The following ALK variants were observed in gnomAD, a reference collection of about 807,000 sequenced individuals.
The protein encoded by ALK is ALK tyrosine kinase receptor.
ALK carries 74 observed loss-of-function variants against 163.1 expected under a neutral mutation model. The ratio of observed to expected loss-of-function variants is 0.45; its 90% CI spans 0.38 to 0.55. ALK has a LOEUF of 0.55. ALK is among the 20% of genes least tolerant of loss of function. ALK has a pLI of 0.00. For missense variants in ALK, 2,063 were observed against 2,105.3 expected (o/e 0.98, Z 0.39); for synonymous variants, 960 against 843.2 (o/e 1.14, Z -2.40).
intron 4 of ALK, among the ~76,000 whole-genome samples, chr2:29,451,554 T>G (rs1670820963): frequency 6.6e-6 from 1 of 152,134 alleles, no homozygotes; most frequent in Admixed American, 6.6e-5. Flanking sequence ...TCAGCTCATA[T>G]CAAACTTCCA....
intron 3 of ALK, among the ~76,000 whole-genome samples, chr2:29,604,341 A>G (rs905040369): frequency 6.6e-6 from 1 of 152,182 alleles, no homozygotes; most frequent in Non-Finnish European, 1.5e-5. Flanking sequence ...TTACAATGGC[A>G]GAGTCGAGTA....
chr2:29,745,843 C>A (rs1187036716), intron 1 of ALK, among the ~76,000 whole-genome samples: 2 of 152,134 alleles, frequency 1.3e-5, no homozygotes, highest in African/African-American at 4.8e-5. Context: ...GTTGGATGGA[C>A]AAATGACTGA....
rs548398462 is a variant in ALK, at chr2:29,260,110, GT to G, written c.2042-8844del. ...TTCTATTTCTTATAAGGCATAAACT[GT>G]TGTGTTTGTTGGCTTTTTGTTCCTT... On this transcript the variant is annotated intron_variant, in intron 11 of 28. Coordinates refer to ENST00000389048, the MANE Select transcript of ALK (RefSeq NM_004304.5). 8.5e-5 allele frequency among the ~76,000 whole-genome samples: 13 copies of G among 152,252 alleles called. No homozygotes were observed. In the South Asian group the frequency reaches 2.7e-3, roughly 32 times the overall value.
rs147526702 is a variant in ALK at position 29,397,043 on chromosome 2, G to A, written c.1155-13184C>T. On this transcript the variant is annotated intron_variant, in intron 4 of 28. Coordinates refer to ENST00000389048, the MANE Select transcript of ALK (RefSeq NM_004304.5). ...GTGCCACTATTGGCTGGCTTCCTTC[G>A]GTCCTAGTAGGGTGGGCAGGAAAGG... Among the ~76,000 whole-genome samples, 762 of 151,950 alleles carry A rather than the reference G, an allele frequency of 5.0e-3. 5 individuals carry two copies. Among genetic ancestry groups the A allele is most frequent in the Non-Finnish European group, 7.6e-3 (514 of 67,986 alleles).
intron 4 of ALK, among the ~76,000 whole-genome samples, chr2:29,470,542 C>T (rs565865918): frequency 6.6e-6 from 1 of 152,264 alleles, no homozygotes; most frequent in East Asian, 1.9e-4. Flanking sequence ...CTGACTTCAA[C>T]AGAGGCAAGG....
At chr2:29,880,570 C>A (rs1666831062) in intron 1 of ALK, among the ~76,000 whole-genome samples, 1 of 152,198 alleles carries the variant, frequency 6.6e-6, no homozygotes, top group African/African-American at 2.4e-5. Context: ...CCCCAGGGAT[C>A]TATGGCTAGG....
chr2:29,651,111 T>C (rs2148253657), intron 3 of ALK, among the ~76,000 whole-genome samples: 1 of 152,146 alleles, frequency 6.6e-6, no homozygotes, highest in South Asian at 2.1e-4. Flanking sequence ...ATGACAATGA[T>C]GGAATTACCC....
chr2:29,901,389 C>A (rs1667412339), intron 1 of ALK, among the ~76,000 whole-genome samples: 1 of 152,110 alleles, frequency 6.6e-6, no homozygotes, highest in Non-Finnish European at 1.5e-5. Flanking sequence ...CAGCAAATTG[C>A]TTGCAAATTT....
chr2:29,409,979 T>G lies in ALK; in HGVS notation c.1155-26120A>C, dbSNP rs546375597. Among the ~76,000 whole-genome samples, 31 of 152,332 alleles carry G rather than the reference T, an allele frequency of 2.0e-4. 1 individual carries two copies. The highest frequency in any genetic ancestry group is 7.0e-4 in the African/African-American group (29 of 41,576). On this transcript the variant is annotated intron_variant, in intron 4 of 28. Transcript: ENST00000389048. ...TCCAGTTTCACTCTTTCTTGAGCCT[T>G]TATCTTAATCATATACATCATTAAA...
chr2:29,337,559 A>G (rs1455280082), intron 5 of ALK, among the ~76,000 whole-genome samples: 1 of 152,168 alleles, frequency 6.6e-6, no homozygotes, highest in East Asian at 1.9e-4. Flanking sequence ...CTTCAGTCCT[A>G]TAGAATCAGA....
intron 4 of ALK, among the ~76,000 whole-genome samples, chr2:29,517,311 G>T (rs2148145970): frequency 6.6e-6 from 1 of 152,154 alleles, no homozygotes; most frequent in East Asian, 1.9e-4. Context: ...AGAGCTTCAA[G>T]ATCTTCATTA....
intron 1 of ALK, among the ~76,000 whole-genome samples, chr2:29,835,333 A>G (rs1665531109): frequency 6.6e-6 from 1 of 152,190 alleles, no homozygotes; most frequent in Non-Finnish European, 1.5e-5. Flanking sequence ...TTTCCATCTG[A>G]GAGTACTGAA....
intron 1 of ALK, among the ~76,000 whole-genome samples, chr2:29,765,185 A>G (rs1680824488): frequency 6.6e-6 from 1 of 152,196 alleles, no homozygotes; most frequent in African/African-American, 2.4e-5. Flanking sequence ...ACCCACCCTC[A>G]GGTCTTTCTT....
intron 9 of ALK, among the ~76,000 whole-genome samples, chr2:29,292,928 A>G (rs369119813): frequency 2.0e-5 from 3 of 152,176 alleles, no homozygotes; most frequent in East Asian, 3.9e-4. Flanking sequence ...GGGCAATCTG[A>G]CTAGAGCCCT....
intron 1 of ALK, among the ~76,000 whole-genome samples, chr2:29,736,500 C>T (rs550258115): frequency 6.6e-6 from 1 of 151,612 alleles, no homozygotes; most frequent in African/African-American, 2.4e-5. Context: ...TATTTTAGTA[C>T]ATTAAAAAAT....
At chr2:29,574,301 A>G (rs1276247868) in intron 3 of ALK, among the ~76,000 whole-genome samples, 1 of 152,162 alleles carries the variant, frequency 6.6e-6, no homozygotes, top group African/African-American at 2.4e-5. Flanking sequence ...TTCTCCATCC[A>G]CCTTCCAGGA....
Position 29,492,279 on chromosome 2 carries a change from A to G in ALK, c.1154+39636T>C, listed in dbSNP as rs527519687. On this transcript the variant is annotated intron_variant, in intron 4 of 28. Coordinates refer to ENST00000389048, the MANE Select transcript of ALK (RefSeq NM_004304.5). ...CTGTGTCTTGCTGCAACCCATCATC[A>G]ACATTGTCATCAATGTTACAAGTGT... is the stretch of plus-strand genomic sequence containing the variant. Among the ~76,000 whole-genome samples, 6 of 152,254 alleles carry G rather than the reference A, an allele frequency of 3.9e-5. No homozygotes were observed. The South Asian group carries it at 1.2e-3, about 32-fold the overall frequency.
intron 4 of ALK, among the ~76,000 whole-genome samples, chr2:29,514,145 A>T (rs1371763152): frequency 2.2e-5 from 3 of 139,506 alleles, no homozygotes; most frequent in African/African-American, 8.4e-5. Flanking sequence ...CCATCCCATT[A>T]CTGGGTATAT....
intron 1 of ALK, among the ~76,000 whole-genome samples, chr2:29,867,073 T>C (rs1394145700): frequency 6.6e-6 from 1 of 152,214 alleles, no homozygotes; most frequent in Non-Finnish European, 1.5e-5. Context: ...GAAGGATTAA[T>C]ATATTTACAT....
Sources: allele counts gnomAD v4.1 joint callset (sites outside exome capture counted in the v4.1 genomes callset), GRCh38; gene constraint gnomAD v4.1.1; transcripts MANE v1.5; gene names NCBI Gene and HGNC (gene_info 2026-07-23, HGNC 2026-07-21).